CFAP47: variants seen among roughly 807,000 people sequenced by gnomAD.
The protein encoded by CFAP47 is cilia- and flagella-associated protein 47.
CFAP47 carries 29 observed loss-of-function variants against 148.1 expected under a neutral mutation model. The ratio of observed to expected loss-of-function variants is 0.20; its 90% confidence interval spans 0.15 to 0.27. The LOEUF (loss-of-function observed/expected upper bound fraction) is 0.27. CFAP47 is among the 10% of genes least tolerant of loss of function. CFAP47 has a pLI of 1.00. For missense variants in CFAP47, 1,872 were observed against 1,697.5 expected, an observed-to-expected ratio of 1.10 and a Z score of -1.81; for synonymous variants, 664 against 577.3, an observed-to-expected ratio of 1.15 and a Z score of -2.15.
chrX:36,344,646 G>A (rs868942004), intron 57 of CFAP47, among the ~76,000 whole-genome samples: 19 of 111,718 alleles, frequency 1.7e-4, no homozygotes, highest in African/African-American at 6.2e-4. Flanking sequence ...TTTTTTATCT[G>A]TCTTGACTTC....
intron 48 of CFAP47, among the ~76,000 whole-genome samples, chrX:36,246,112 T>C (rs1457824935): frequency 9.0e-6 from 1 of 111,369 alleles, no homozygotes; most frequent in Non-Finnish European, 1.9e-5. Flanking sequence ...AAATAAATTA[T>C]CAACAAAACA....
rs374460741 is a variant in CFAP47, at chrX:36,098,015, T to A, written c.4917-778T>A. On this transcript the variant is annotated intron_variant, in intron 30 of 63. Transcript: ENST00000378653. ...CTCATTGTTTTTATTCTTTCTTTTT[T>A]TGTGTCCTCTATCTATTTTTAAATA... 2.8e-4 allele frequency among the ~76,000 whole-genome samples: 31 copies of A among 111,866 alleles called. No individual in the cohort carries two copies. In the East Asian group the frequency reaches 7.6e-3, roughly 28 times the overall value.
intron 15 of CFAP47, among the ~76,000 whole-genome samples, chrX:35,981,738 T>G (rs1057238589): frequency 2.7e-5 from 3 of 111,447 alleles, no homozygotes; most frequent in Admixed American, 1.9e-4. Context: ...ATGTGTATTC[T>G]ATGTTTAGCT....
chrX:36,371,577 ATATATATGTGTATACATGTGTG>A (rs1941936493), intron 62 of CFAP47, among the ~76,000 whole-genome samples: 2 of 98,087 alleles, frequency 2.0e-5, no homozygotes, highest in Admixed American at 1.1e-4. Flanking sequence ...ATATGTGTGT[ATATATATGTGTATACATGTGTG>A]TATATATGTG....
chrX:36,065,372 T>C (rs1937627719), intron 26 of CFAP47, among the ~76,000 whole-genome samples: 1 of 111,620 alleles, frequency 9.0e-6, no homozygotes, highest in African/African-American at 3.3e-5. Context: ...CTCTAAACTT[T>C]CCTGAATCTG....
chrX:36,165,238 A>G (rs1939476451), intron 39 of CFAP47, among the ~76,000 whole-genome samples: 2 of 111,571 alleles, frequency 1.8e-5, no homozygotes, highest in Middle Eastern at 4.6e-3. Context: ...AGTTGATTTT[A>G]CTTTTGCCAA....
intron 26 of CFAP47, among the ~76,000 whole-genome samples, chrX:36,059,124 AT>A (rs1937575305): frequency 1.8e-5 from 2 of 111,668 alleles, no homozygotes; most frequent in Admixed American, 1.9e-4. Flanking sequence ...TTTTTGTGCT[AT>A]TCTTTGTTTA....
chrX:36,371,511 G>GTA (rs201857072), intron 62 of CFAP47, among the ~76,000 whole-genome samples: 1,331 of 104,671 alleles, frequency 0.013, 13 homozygotes, highest in Middle Eastern at 0.026. Context: ...ATATATATGT[G>GTA]TATATATATG....
At chrX:35,924,055 G>C (rs868305186) in intron 1 of CFAP47, among the ~76,000 whole-genome samples, 1 of 90,887 alleles carries the variant, frequency 1.1e-5, no homozygotes, top group East Asian at 3.4e-4. Flanking sequence ...ATATGTACAT[G>C]TATGCGCACA....
At chrX:36,278,639 A>C (rs1941044153) in intron 49 of CFAP47, among the ~76,000 whole-genome samples, 1 of 112,231 alleles carries the variant, frequency 8.9e-6, no homozygotes, top group South Asian at 3.7e-4. Flanking sequence ...CAGGTACTTC[A>C]GTTGGAAATG....
chrX:35,927,706 G>A (rs983576893), intron 2 of CFAP47, among the ~76,000 whole-genome samples: 2 of 109,965 alleles, frequency 1.8e-5, no homozygotes, highest in Non-Finnish European at 3.8e-5. Flanking sequence ...TCAAGATAGT[G>A]AACAGTTCCA....
chrX:36,287,763 G>A (rs1303050038), intron 51 of CFAP47, among the ~76,000 whole-genome samples: 11 of 111,587 alleles, frequency 9.9e-5, no homozygotes, highest in African/African-American at 3.3e-4. Flanking sequence ...GTTTCTAGTC[G>A]TAATTGTCGA....
intron 40 of CFAP47, among the ~76,000 whole-genome samples, chrX:36,182,020 T>C: frequency 8.9e-6 from 1 of 112,473 alleles, no homozygotes; most frequent in Middle Eastern, 4.6e-3. Flanking sequence ...CTATGGCTCC[T>C]TCATCTGGAA....
At chrX:36,280,988 G>GAT (rs1411226393) in intron 50 of CFAP47, among the ~76,000 whole-genome samples, 2 of 112,080 alleles carry the variant, frequency 1.8e-5, no homozygotes, top group African/African-American at 3.2e-5. Context: ...CAATATAAGA[G>GAT]ATACTAGCAA....
At chrX:36,132,104 T>A (rs1429084475) in intron 33 of CFAP47, among the ~76,000 whole-genome samples, 1 of 111,382 alleles carries the variant, frequency 9.0e-6, no homozygotes, top group East Asian at 2.8e-4. Flanking sequence ...ATAAGTAAAT[T>A]GACTAATTTT....
intron 33 of CFAP47, among the ~76,000 whole-genome samples, chrX:36,118,676 G>T (rs370074107): frequency 2.7e-5 from 3 of 110,448 alleles, no homozygotes; most frequent in Non-Finnish European, 5.7e-5. Context: ...GGGTTTCACC[G>T]TGTTAGCCAG....
At position 36,201,509 on chromosome X, in the gene CFAP47, G is replaced by A. The variant is rs1371738047; in HGVS notation, c.6663+9G>A. 3.4e-6 allele frequency: 1 copy of A among 294,646 alleles called. No homozygotes were observed. Among genetic ancestry groups the A allele is most frequent in the Non-Finnish European group, 5.9e-6 (1 of 169,342 alleles). 24.3% of individuals were successfully genotyped at this position (294,646 alleles called of 1,213,427 possible). On this transcript the variant is annotated intron_variant, in intron 44 of 63. Coordinates refer to ENST00000378653, the MANE Select transcript of CFAP47 (RefSeq NM_001304548.2). ...GACTGACGAAGATCGAGGTGGGAAT[G>A]GAGTAATAGATGATTCACTTCAATT...
At position 36,371,924 on chromosome X, in the gene CFAP47, G is replaced by GTGTA. The variant is rs782251148; in HGVS notation, c.9185+4798_9185+4799insGTAT. Among the ~76,000 whole-genome samples the GTGTA allele has an allele frequency of 7.2e-3, 432 of 59,981 alleles. 60 individuals are homozygous for GTGTA. The highest frequency in any genetic ancestry group is 0.054 in the African/African-American group (398 of 7,420). 52.1% of individuals were successfully genotyped at this position (59,981 alleles called of 115,157 possible). On this transcript the variant is annotated intron_variant, in intron 62 of 63. Coordinates refer to ENST00000378653, the MANE Select transcript of CFAP47 (RefSeq NM_001304548.2). ...TGTGTATATATGTGTGTATATATGT[G>GTGTA]TATATACACACATGTGTATATGTGT...
chrX:36,237,855 C>CT (rs200659230), intron 48 of CFAP47, among the ~76,000 whole-genome samples: 2,226 of 110,892 alleles, frequency 0.02, 64 homozygotes, highest in African/African-American at 0.069. Context: ...TTACTCTTTG[C>CT]TTTTTTTGTA....
Sources: allele counts gnomAD v4.1 joint callset (sites outside exome capture counted in the v4.1 genomes callset), GRCh38; gene constraint gnomAD v4.1.1; transcripts MANE v1.5; gene names NCBI Gene and HGNC (gene_info 2026-07-23, HGNC 2026-07-21).